AP3S2: variants seen among roughly 807,000 people sequenced by gnomAD.
The protein encoded by AP3S2 is AP-3 complex subunit sigma-2.
In AP3S2, 22 loss-of-function variants were observed where a neutral mutation model predicts 23.4. The ratio of observed to expected loss-of-function variants is 0.94; its 90% CI spans 0.67 to 1.34. AP3S2 has a LOEUF of 1.34. Among genes scored for constraint, AP3S2 ranks in the 40% most tolerant of loss-of-function variants. The probability of loss-of-function intolerance (pLI) is 0.00; values close to 1 mark genes in which losing one functional copy is unlikely to be tolerated. For missense variants in AP3S2, 241 were observed against 236.9 expected (o/e 1.02, Z -0.11); for synonymous variants, 86 against 87.1 (o/e 0.99, Z 0.07).
At chr15:89,842,906 C>T (rs118177986) in intron 4 of AP3S2, among the ~76,000 whole-genome samples, 6,513 of 152,110 alleles carry the variant, frequency 0.043, 201 homozygotes, top group Middle Eastern at 0.075. Context: ...CCACTGTGCC[C>T]AGAAGACTCA....
At chr15:89,877,490 A>G (rs1327153439) in intron 3 of AP3S2, 2 of 851,938 alleles carry the variant, frequency 2.3e-6, no homozygotes, top group Non-Finnish European at 3.4e-6. Flanking sequence ...ACAATTCAGT[A>G]GCATTCGATA....
At chr15:89,879,127 C>CT (rs1465686730) in intron 3 of AP3S2, among the ~76,000 whole-genome samples, 1 of 152,264 alleles carries the variant, frequency 6.6e-6, no homozygotes, top group Non-Finnish European at 1.5e-5. Context: ...GATCCTCCTG[C>CT]TTTGGCCTCC....
Position 89,859,387 on chromosome 15 carries a change from TTTTC to T in AP3S2, c.345+12084_345+12087del, listed in dbSNP as rs1052027034. On this transcript the variant is annotated intron_variant, in intron 4 of 5. Transcript: ENST00000336418. Reference sequence around the variant, plus strand: ...TTTCCTTCCTTCCTTCCTTCCTTCCTTTTCTTTCTTTCTTTTTTTTTTTTGAGAT... The same window carrying T: ...TTTCCTTCCTTCCTTCCTTCCTTCCTTTTCTTTCTTTTTTTTTTTTGAGAT... Among the ~76,000 whole-genome samples, 8 of 73,574 alleles carry T rather than the reference TTTTC, an allele frequency of 1.1e-4. No homozygotes were observed. In the South Asian group the frequency reaches 1.3e-3, roughly 12 times the overall value. The allele number at this position is 73,574 out of a possible 152,430, so 48.3% of individuals were successfully genotyped here.
At chr15:89,857,517 A>G (rs932624647) in intron 4 of AP3S2, among the ~76,000 whole-genome samples, 1 of 152,212 alleles carries the variant, frequency 6.6e-6, no homozygotes, top group Admixed American at 6.5e-5. Flanking sequence ...TATAAAAACC[A>G]TTTATTCTGT....
In AP3S2 at chr15:89,831,586, G is replaced by C. The variant is rs1436483839; in HGVS notation, c.*3929C>G. 6.6e-6 allele frequency: 1 copy of C among 152,288 alleles called. No individual in the cohort carries two copies. The highest frequency in any genetic ancestry group is 2.4e-5 in the African/African-American group (1 of 41,468). 9.4% of individuals were successfully genotyped at this position (152,288 alleles called of 1,614,324 possible). A position where few individuals can be genotyped will look rare whatever the true frequency, so the allele number is the denominator to read the frequency against. ...CGCTGAAAGCCCTTACTAGAGACTGGTCCACAAGATCAGATTTAGCTGCCC... is the reference window on the plus strand; with the variant it reads ...CGCTGAAAGCCCTTACTAGAGACTGCTCCACAAGATCAGATTTAGCTGCCC... On this transcript the variant is annotated 3_prime_UTR_variant, in exon 6 of 6. Coordinates refer to ENST00000336418, the MANE Select transcript of AP3S2 (RefSeq NM_005829.5).
chr15:89,837,618 G>A lies in AP3S2; in HGVS notation c.450C>T (p.Ser150=), dbSNP rs764086530. ...QIEAQNRLEK[S]EGGLSAAPAR... ...TAGAGCACAGCTGCTTACTCACCTC[G>A]GATTTCTCCAGCCTGTTTTGAGCCT... The change falls in exon 5 of 6, where the codon TCC becomes TCT. Residue 150 remains serine (S), a synonymous_variant. Coordinates refer to ENST00000336418, the MANE Select transcript of AP3S2 (RefSeq NM_005829.5). 13 of 1,614,038 alleles carry A rather than the reference G, an allele frequency of 8.1e-6. No homozygotes were observed. The highest frequency in any genetic ancestry group is 5.0e-5 in the Admixed American group (3 of 60,006).
At chr15:89,866,584 C>T (rs891278336) in intron 4 of AP3S2, among the ~76,000 whole-genome samples, 7 of 151,306 alleles carry the variant, frequency 4.6e-5, no homozygotes, top group African/African-American at 1.7e-4. Flanking sequence ...CTCCTGGGTT[C>T]AAGTGATTCT....
In AP3S2 at chr15:89,870,645, C is replaced by G. The variant is rs117862580; in HGVS notation, c.345+830G>C. Among the ~76,000 whole-genome samples, 48 of 152,286 alleles carry G rather than the reference C, an allele frequency of 3.2e-4. No individual in the cohort carries two copies. The East Asian group carries it at 8.7e-3, about 28-fold the overall frequency. On this transcript the variant is annotated intron_variant, in intron 4 of 5. Coordinates refer to ENST00000336418, the MANE Select transcript of AP3S2 (RefSeq NM_005829.5). Reference sequence around the variant, plus strand: ...ATGCTAGCAACGATGGATCTAAAAACTCCTACTTCATCATGATGAAAAGGT... The same window carrying G: ...ATGCTAGCAACGATGGATCTAAAAAGTCCTACTTCATCATGATGAAAAGGT...
intron 1 of AP3S2, among the ~76,000 whole-genome samples, chr15:89,891,720 T>C (rs963082359): frequency 5.3e-5 from 8 of 150,472 alleles, no homozygotes; most frequent in Admixed American, 2.6e-4. Flanking sequence ...TAACCAAAAA[T>C]AAATAAATAA....
intron 3 of AP3S2, among the ~76,000 whole-genome samples, chr15:89,887,509 T>A (rs1596223439): frequency 6.7e-6 from 1 of 148,292 alleles, no homozygotes; most frequent in Admixed American, 6.7e-5. Flanking sequence ...GTAGCTGGGA[T>A]TACTGGCACG....
intron 4 of AP3S2, among the ~76,000 whole-genome samples, chr15:89,853,274 G>A: frequency 6.6e-6 from 1 of 152,126 alleles, no homozygotes; most frequent in Non-Finnish European, 1.5e-5. Context: ...TAGGAAAAAA[G>A]TAAAAATAAA....
At chr15:89,890,255 G>T (rs1055763842) in intron 1 of AP3S2, among the ~76,000 whole-genome samples, 1 of 152,174 alleles carries the variant, frequency 6.6e-6, no homozygotes, top group African/African-American at 2.4e-5. Flanking sequence ...TCACCATGTT[G>T]GTCAGGCTGG....
intron 3 of AP3S2, among the ~76,000 whole-genome samples, chr15:89,872,083 C>A (rs1441557421): frequency 6.7e-6 from 1 of 148,510 alleles, no homozygotes; most frequent in Non-Finnish European, 1.5e-5. Context: ...CGCACCACTG[C>A]ACTCCAGCCT....
chr15:89,851,708 T>C lies in AP3S2; in HGVS notation c.346-13986A>G, dbSNP rs568848182. Among the ~76,000 whole-genome samples, 11 of 152,336 alleles carry C rather than the reference T, an allele frequency of 7.2e-5. No homozygotes were observed. In the South Asian group the frequency reaches 1.2e-3, roughly 17 times the overall value. Reference sequence around the variant, plus strand: ...ATATTTTATGCTCTTTGAATATATATAGTTGACTGCAGTAAAGTATACTCA... The same window carrying C: ...ATATTTTATGCTCTTTGAATATATACAGTTGACTGCAGTAAAGTATACTCA... On this transcript the variant is annotated intron_variant, in intron 4 of 5. Transcript: ENST00000336418.
chr15:89,852,174 A>C (rs1895672569), intron 4 of AP3S2, among the ~76,000 whole-genome samples: 1 of 152,190 alleles, frequency 6.6e-6, no homozygotes, highest in East Asian at 1.9e-4. Context: ...CAGTTTCTTC[A>C]TCTGTAAAAT....
chr15:89,855,945 TA>T (rs34784306), intron 4 of AP3S2, among the ~76,000 whole-genome samples: 8,156 of 111,832 alleles, frequency 0.073, 247 homozygotes, highest in Non-Finnish European at 0.1. Flanking sequence ...ATATGTCCTT[TA>T]AAAAAAAAAA....
At chr15:89,856,514 G>A (rs996202158) in intron 4 of AP3S2, among the ~76,000 whole-genome samples, 1 of 151,988 alleles carries the variant, frequency 6.6e-6, no homozygotes, top group East Asian at 1.9e-4. Context: ...GCCTGGCCAA[G>A]ATGGTGCAAC....
intron 4 of AP3S2, among the ~76,000 whole-genome samples, chr15:89,858,506 A>G (rs1022585032): frequency 3.3e-5 from 2 of 60,872 alleles, no homozygotes; most frequent in Non-Finnish European, 6.6e-5. Context: ...AGAGAGAGAG[A>G]GAGAGAGAGA....
chr15:89,871,400 G>T (rs1042744568), intron 4 of AP3S2, 75 bp downstream of exon 4: 16 of 1,340,960 alleles, frequency 1.2e-5, no homozygotes, highest in African/African-American at 1.5e-5. Flanking sequence ...TGAAGATGTA[G>T]AGGTGGCTAC....
Sources: allele counts gnomAD v4.1 joint callset (sites outside exome capture counted in the v4.1 genomes callset), GRCh38; gene constraint gnomAD v4.1.1; transcripts MANE v1.5; gene names NCBI Gene and HGNC (gene_info 2026-07-23, HGNC 2026-07-21).